Variants in PPM1A observed in about 807,000 individuals in gnomAD.
The protein encoded by PPM1A is protein phosphatase 1A.
In PPM1A, 7 loss-of-function variants were observed where a neutral mutation model predicts 35.0. That is an observed-to-expected ratio of 0.20 (90% CI 0.11 to 0.38). The LOEUF (loss-of-function observed/expected upper bound fraction) is 0.38. PPM1A is among the 10% of genes least tolerant of loss of function. The probability of loss-of-function intolerance (pLI) is 1.00; values close to 1 mark genes in which losing one functional copy is unlikely to be tolerated. For missense variants in PPM1A, 239 were observed against 467.8 expected (o/e 0.51, Z 4.51); for synonymous variants, 153 against 167.3 (o/e 0.91, Z 0.66).
In PPM1A at chr14:60,299,023, T is replaced by G. The variant is rs149623464; in HGVS notation, c.*6541T>G. ...GAATGGTTGCAGATTGTATGTTAGA[T>G]GAAAAGTAGAAATAATTTCTAGTTT... On this transcript the variant is annotated 3_prime_UTR_variant, in exon 6 of 6. Transcript: ENST00000395076. The surrounding 1 kb of genome is among the most constrained non-coding windows in gnomAD (Gnocchi z 4.2). 2 of 152,006 alleles carry G rather than the reference T, an allele frequency of 1.3e-5. No homozygotes were observed. Among genetic ancestry groups the G allele is most frequent in the African/African-American group, 4.8e-5 (2 of 41,564 alleles). The allele number at this position is 152,006 out of a possible 1,614,324, so 9.4% of individuals were successfully genotyped here. A position where few individuals can be genotyped will look rare whatever the true frequency, so the allele number is the denominator to read the frequency against.
In PPM1A at chr14:60,281,921, A is replaced by G. The variant is rs140536813; in HGVS notation, c.-20-763A>G. On this transcript the variant is annotated intron_variant, in intron 1 of 5. Transcript: ENST00000395076. ...AGATTACTAGTAGTAATTTTGTTAT[A>G]TATGTATACAGTACACTTCGTTATG... 6.8e-3 allele frequency among the ~76,000 whole-genome samples: 1,036 copies of G among 152,328 alleles called. 20 individuals carry two copies. The highest frequency in any genetic ancestry group is 0.024 in the African/African-American group (977 of 41,564).
In PPM1A at chr14:60,283,550, T is replaced by C. The variant is rs1175028770; in HGVS notation, c.834+13T>C. 4 of 1,584,918 alleles carry C rather than the reference T, an allele frequency of 2.5e-6. No homozygotes were observed. The highest frequency in any genetic ancestry group is 2.7e-5 in the African/African-American group (2 of 73,338). On this transcript the variant is annotated intron_variant, in intron 2 of 5. Coordinates refer to ENST00000395076, the MANE Select transcript of PPM1A (RefSeq NM_021003.5). This position sits in a 1 kb window ranked among gnomAD's most constrained non-coding sequence, Gnocchi z 6.3. ...CTGTTTGTATAAGGTAGCTAGACTT[T>C]TTTTAAAAACATAAAATGATTTTAT...
intron 1 of PPM1A, chr14:60,268,479 A>G (rs1884656252): frequency 1.2e-6 from 1 of 833,920 alleles, no homozygotes; most frequent in South Asian, 5.5e-5. Flanking sequence ...TAATTTTTTT[A>G]GTTAGACTAT....
At position 60,297,355 on chromosome 14, in the gene PPM1A, A is replaced by G. The variant is rs892551258; in HGVS notation, c.*4873A>G. The G allele has an allele frequency of 2.0e-5, 3 of 151,688 alleles. No individual in the cohort carries two copies. The highest frequency in any genetic ancestry group is 7.2e-5 in the African/African-American group (3 of 41,418). 9.4% of individuals were successfully genotyped at this position (151,688 alleles called of 1,614,324 possible). On this transcript the variant is annotated 3_prime_UTR_variant, in exon 6 of 6. Transcript: ENST00000395076. ...ACGTGGCTGTAAATTTATAAGAACT[A>G]TTGTGTCACATAAACCAACAAGAAT...
upstream of PPM1A, among the ~76,000 whole-genome samples, chr14:60,247,245 T>G (rs1043227438): frequency 1.3e-5 from 2 of 152,170 alleles, no homozygotes; most frequent in Admixed American, 1.3e-4. Flanking sequence ...TGTGGAGAAT[T>G]AGGAAATGTA....
rs1287024278 is a variant in PPM1A at position 60,294,590 on chromosome 14, C to CT, written c.*2111dup. The stretch of plus-strand genomic sequence containing the variant: ...CTTAATATTTTAAGTAGACTGACAA[C>CT]TTTAGTTCCAGAAATTGCAAAACTT... On this transcript the variant is annotated 3_prime_UTR_variant, in exon 6 of 6. Transcript: ENST00000395076. The CT allele has an allele frequency of 3.9e-5, 6 of 151,904 alleles. No homozygotes were observed. Among genetic ancestry groups the CT allele is most frequent in the Admixed American group, 3.9e-4 (6 of 15,228 alleles). The allele number at this position is 151,904 out of a possible 1,614,324, so 9.4% of individuals were successfully genotyped here.
In PPM1A at chr14:60,292,649, AT is replaced by A. The variant is rs201235752; in HGVS notation, c.*184del. The A allele has an allele frequency of 0.17, 58,157 of 336,688 alleles. 41 individuals are homozygous for A. Among genetic ancestry groups the A allele is most frequent in the East Asian group, 0.23 (5,194 of 22,448 alleles). 20.9% of individuals were successfully genotyped at this position (336,688 alleles called of 1,614,324 possible). On this transcript the variant is annotated 3_prime_UTR_variant, in exon 6 of 6. Coordinates refer to ENST00000395076, the MANE Select transcript of PPM1A (RefSeq NM_021003.5). The surrounding 1 kb of genome is among the most constrained non-coding windows in gnomAD (Gnocchi z 4.2). The stretch of plus-strand genomic sequence containing the variant: ...CAGTACAACAGCTAGCCCAGAACTG[AT>A]TTTTTTTTTTTTTTTTGTAAATTTG...
chr14:60,245,773 G>T, upstream of PPM1A: 4 of 1,329,394 alleles, frequency 3.0e-6, no homozygotes, highest in East Asian at 2.5e-5. This position sits in a 1 kb window ranked among gnomAD's most constrained non-coding sequence, Gnocchi z 4.2. Context: ...ATGTAGGGGA[G>T]GGAGGAAGGA....
In PPM1A at chr14:60,262,334, A is replaced by C. The variant is rs149941693; in HGVS notation, c.-21+12657A>C. The stretch of plus-strand genomic sequence containing the variant: ...TATTAGAGGAGTATTTAAACATAGA[A>C]GTCTGTGAAAATATTTTTAGTGCTG... On this transcript the variant is annotated intron_variant, in intron 1 of 5. Transcript: ENST00000395076. Among the ~76,000 whole-genome samples, 168 of 152,318 alleles carry C rather than the reference A, an allele frequency of 1.1e-3. 1 individual carries two copies. The highest frequency in any genetic ancestry group is 2.1e-3 in the Non-Finnish European group (141 of 68,034).
chr14:60,259,096 GGT>G (rs1180923329), intron 1 of PPM1A, among the ~76,000 whole-genome samples: 1 of 151,936 alleles, frequency 6.6e-6, no homozygotes, highest in Non-Finnish European at 1.5e-5. Flanking sequence ...CACTTGAAAA[GGT>G]TTTTTTCTCT....
At chr14:60,288,211 G>C (rs958143044) in intron 3 of PPM1A, 8 of 980,134 alleles carry the variant, frequency 8.2e-6, no homozygotes, top group Non-Finnish European at 8.5e-6. Flanking sequence ...TTGTTTTCCT[G>C]TAATTTTCTT....
chr14:60,260,626 AT>A (rs1237000276), intron 1 of PPM1A, among the ~76,000 whole-genome samples: 10 of 152,144 alleles, frequency 6.6e-5, no homozygotes, highest in Non-Finnish European at 1.5e-4. Flanking sequence ...ACACAATTTA[AT>A]TTTAGAACAT....
At chr14:60,255,213 CCAGGCTGGAGTG>C (rs1882957481) in intron 1 of PPM1A, among the ~76,000 whole-genome samples, 1 of 137,244 alleles carries the variant, frequency 7.3e-6, no homozygotes, top group Non-Finnish European at 1.5e-5. Context: ...GCTCTGTCGC[CCAGGCTGGAGTG>C]CAGTGGCGCG....
chr14:60,280,731 C>T (rs1025141846), intron 1 of PPM1A, among the ~76,000 whole-genome samples: 2 of 152,196 alleles, frequency 1.3e-5, no homozygotes, highest in Non-Finnish European at 2.9e-5. Context: ...TCCATCTAAT[C>T]TTTTCCAGCA....
intron 1 of PPM1A, among the ~76,000 whole-genome samples, chr14:60,271,951 A>G (rs1268593813): frequency 1.3e-5 from 2 of 152,180 alleles, no homozygotes; most frequent in South Asian, 4.1e-4. Flanking sequence ...TGATGAGGAA[A>G]GTTAGACATT....
intron 1 of PPM1A, among the ~76,000 whole-genome samples, chr14:60,269,081 TG>T (rs1884758266): frequency 6.6e-6 from 1 of 152,138 alleles, no homozygotes; most frequent in Admixed American, 6.5e-5. Flanking sequence ...TATATAGTCT[TG>T]AAATTTTGGA....
chr14:60,259,069 C>T (rs1457195098), intron 1 of PPM1A, among the ~76,000 whole-genome samples: 2 of 152,044 alleles, frequency 1.3e-5, no homozygotes, highest in Non-Finnish European at 2.9e-5. Flanking sequence ...ATTTTTTAAG[C>T]TATTAAATAG....
Position 60,291,314 on chromosome 14 carries a change from A to G in PPM1A, c.1062-83A>G, listed in dbSNP as rs561683942. 1.9e-5 allele frequency: 19 copies of G among 979,542 alleles called. No homozygotes were observed. In the East Asian group the frequency reaches 4.8e-4, roughly 25 times the overall value. The allele number at this position is 979,542 out of a possible 1,614,324, so 60.7% of individuals were successfully genotyped here. ...ATCTGAGTATAAGATTATCTTAGAA[A>G]TTTTAATAAACACCTGGCTATGAGT... On this transcript the variant is annotated intron_variant, in intron 4 of 5. Transcript: ENST00000395076.
rs567199837 is a variant in PPM1A at position 60,294,150 on chromosome 14, A to G, written c.*1668A>G. 6.6e-6 allele frequency: 1 copy of G among 151,942 alleles called. No individual in the cohort carries two copies. The highest frequency in any genetic ancestry group is 2.4e-5 in the African/African-American group (1 of 41,414). The allele number at this position is 151,942 out of a possible 1,614,324, so 9.4% of individuals were successfully genotyped here. ...TGGAAATATACATATTTGTATATAT[A>G]GCCTTAAAATTAATGTAAAGTTAGG... is the stretch of plus-strand genomic sequence containing the variant. On this transcript the variant is annotated 3_prime_UTR_variant, in exon 6 of 6. Transcript: ENST00000395076.
Sources: gnomAD v4.1 joint callset for allele counts (sites outside exome capture counted in the v4.1 genomes callset) on GRCh38, gnomAD v4.1.1 for gene constraint, Gnocchi (gnomAD v3.1) non-coding constraint, MANE v1.5 for transcripts, NCBI Gene and HGNC (gene_info 2026-07-23, HGNC 2026-07-21) for gene names.